DNAH6: variants seen among roughly 807,000 people sequenced by gnomAD.
DNAH6 encodes the protein axonemal beta dynein heavy chain 6.
In DNAH6, 340 loss-of-function variants were observed where a neutral mutation model predicts 491.4. The ratio of observed to expected loss-of-function variants is 0.69; its 90% CI spans 0.63 to 0.76. The LOEUF is 0.76. Ranked by LOEUF, DNAH6 falls within the 30% of genes least tolerant of loss-of-function variation. The pLI is 0.00. For missense variants in DNAH6, 4,443 were observed against 4,972.2 expected (o/e 0.89, Z 3.20); for synonymous variants, 1,603 against 1,686.1 (o/e 0.95, Z 1.21).
At chr2:84,526,550 C>A (rs914454940) in intron 3 of DNAH6, among the ~76,000 whole-genome samples, 2 of 152,018 alleles carry the variant, frequency 1.3e-5, no homozygotes, top group East Asian at 3.9e-4. Context: ...ACCTGGCCAT[C>A]GGGGGGCCAG....
chr2:84,637,179 G>A (rs1245321841), intron 30 of DNAH6, 31 bp from the exon 31 acceptor site: 1 of 1,494,472 alleles, frequency 6.7e-7, no homozygotes, highest in African/African-American at 1.4e-5. Context: ...GTGTCTGGAA[G>A]AGTGTTAACT....
chr2:84,645,031 T>C (rs985447239), intron 33 of DNAH6, among the ~76,000 whole-genome samples: 2 of 152,228 alleles, frequency 1.3e-5, no homozygotes, highest in African/African-American at 4.8e-5. Context: ...CTTTCCACAG[T>C]GGTTGAACTA....
At chr2:84,744,780 T>G (rs1488042825) in intron 62 of DNAH6, among the ~76,000 whole-genome samples, 2 of 152,212 alleles carry the variant, frequency 1.3e-5, no homozygotes, top group African/African-American at 2.4e-5. Flanking sequence ...CCCTTATCAC[T>G]TCAATCTTCT....
intron 11 of DNAH6, among the ~76,000 whole-genome samples, chr2:84,558,764 G>A (rs527977648): frequency 3.8e-4 from 58 of 152,230 alleles, no homozygotes; most frequent in African/African-American, 1.3e-3. Context: ...AAACTCAAAA[G>A]CTCACTTATT....
chr2:84,630,717 T>C (rs771304089), intron 29 of DNAH6, among the ~76,000 whole-genome samples: 8 of 152,208 alleles, frequency 5.3e-5, no homozygotes, highest in Non-Finnish European at 1.2e-4. Flanking sequence ...TTGAGGACAA[T>C]TGAACAAGAT....
chr2:84,698,087 C>T (rs896930473), intron 47 of DNAH6, among the ~76,000 whole-genome samples: 2 of 152,166 alleles, frequency 1.3e-5, no homozygotes, highest in African/African-American at 4.8e-5. Context: ...CCTTGCCTAG[C>T]AGCAATGTTA....
intron 14 of DNAH6, among the ~76,000 whole-genome samples, chr2:84,583,076 C>G (rs1683194085): frequency 6.6e-6 from 1 of 152,178 alleles, no homozygotes; most frequent in African/African-American, 2.4e-5. Flanking sequence ...ACTGGGGTAT[C>G]CCTTGCCAGA....
intron 33 of DNAH6, among the ~76,000 whole-genome samples, chr2:84,649,433 G>T (rs1690208415): frequency 6.6e-6 from 1 of 152,078 alleles, no homozygotes; most frequent in Non-Finnish European, 1.5e-5. Flanking sequence ...TTTGCTTAGA[G>T]AACTTCCCTT....
intron 72 of DNAH6, among the ~76,000 whole-genome samples, chr2:84,809,983 C>T (rs892172219): frequency 1.3e-5 from 2 of 152,146 alleles, no homozygotes; most frequent in African/African-American, 4.8e-5. Flanking sequence ...GCTATGTGCC[C>T]AGCTAACACT....
intron 5 of DNAH6, among the ~76,000 whole-genome samples, chr2:84,545,839 T>C (rs1678723913): frequency 6.6e-6 from 1 of 152,194 alleles, no homozygotes; most frequent in Admixed American, 6.5e-5. Flanking sequence ...TCGTTTTCTT[T>C]TTATGATTTT....
the DNAH6 span, among the ~76,000 whole-genome samples, chr2:84,466,009 C>T: frequency 4.3e-4 from 65 of 152,320 alleles, no homozygotes; most frequent in Middle Eastern, 3.4e-3. Context: ...AGAACAATCT[C>T]AGATAAGACT....
chr2:84,692,414 AAGGTAGATAGATAGATAGATAGAT>A (rs1437013146), intron 45 of DNAH6, among the ~76,000 whole-genome samples: 9 of 144,584 alleles, frequency 6.2e-5, no homozygotes, highest in Admixed American at 3.6e-4. Context: ...CAATATAAAT[AAGGTAGATAGATAGATAGATAGAT>A]AGATAGATAG....
At chr2:84,467,663 C>T in the DNAH6 span, among the ~76,000 whole-genome samples, 7 of 152,238 alleles carry the variant, frequency 4.6e-5, no homozygotes, top group African/African-American at 1.7e-4. Context: ...CACAGACCAT[C>T]TGAGACATTC....
intron 61 of DNAH6, among the ~76,000 whole-genome samples, chr2:84,729,979 A>G (rs1004703730): frequency 6.6e-6 from 1 of 152,204 alleles, no homozygotes; most frequent in Non-Finnish European, 1.5e-5. Flanking sequence ...CCAAACACCT[A>G]TGACAAGATT....
At chr2:84,590,962 C>T (rs1327397537) in intron 16 of DNAH6, among the ~76,000 whole-genome samples, 1 of 152,192 alleles carries the variant, frequency 6.6e-6, no homozygotes, top group African/African-American at 2.4e-5. Context: ...ACAAAAGCAA[C>T]AGTTTCGACC....
intron 3 of DNAH6, 60 bp downstream of exon 3, chr2:84,525,798 C>A: frequency 3.3e-6 from 4 of 1,226,564 alleles, no homozygotes; most frequent in South Asian, 1.5e-5. Context: ...TATAGCATTG[C>A]TAGCATACTT....
chr2:84,492,892 A>G, the DNAH6 span, among the ~76,000 whole-genome samples: 276 of 152,296 alleles, frequency 1.8e-3, no homozygotes, highest in African/African-American at 6.4e-3. Context: ...CAAAATCATA[A>G]CACAAGCAAA....
At chr2:84,801,767 C>A (rs1001053009) in intron 70 of DNAH6, among the ~76,000 whole-genome samples, 2 of 151,472 alleles carry the variant, frequency 1.3e-5, no homozygotes, top group Non-Finnish European at 2.9e-5. Flanking sequence ...ACCTGTAATC[C>A]CAGCTACTCA....
chr2:84,754,539 T>G (rs1673808794), intron 63 of DNAH6, among the ~76,000 whole-genome samples: 1 of 152,254 alleles, frequency 6.6e-6, no homozygotes, highest in South Asian at 2.1e-4. Context: ...GTTGAAAGAC[T>G]ACTCCTTACC....
Sources: allele counts gnomAD v4.1 joint callset (sites outside exome capture counted in the v4.1 genomes callset), GRCh38; gene constraint gnomAD v4.1.1; transcripts MANE v1.5; gene names NCBI Gene and HGNC (gene_info 2026-07-23, HGNC 2026-07-21).